FASTKD1: variants seen among roughly 807,000 people sequenced by gnomAD.
FASTKD1 encodes the protein FAST kinase domain-containing protein 1, mitochondrial.
A neutral mutation model predicts 90.9 loss-of-function variants in FASTKD1; 94 were observed. That is an observed-to-expected ratio of 1.03 (90% confidence interval 0.88 to 1.23). The LOEUF is 1.23. FASTKD1 is among the 50% of genes most tolerant of loss of function. The pLI, the probability that FASTKD1 is intolerant of heterozygous loss-of-function variation, is 0.00. For synonymous variants in FASTKD1, 319 were observed against 345.8 expected (o/e 0.92, Z 0.86); for missense variants, 945 against 993.5 (o/e 0.95, Z 0.66).
chr2:169,557,050 A>T, intron 6 of FASTKD1, 137 bp downstream of exon 6: 2 of 636,722 alleles, frequency 3.1e-6, no homozygotes, highest in Non-Finnish European at 5.6e-6. Context: ...AGTAGAACAT[A>T]AACAGTGGCT....
intron 12 of FASTKD1, among the ~76,000 whole-genome samples, chr2:169,533,659 T>C (rs1001972282): frequency 6.6e-6 from 1 of 152,190 alleles, no homozygotes; most frequent in Non-Finnish European, 1.5e-5. Flanking sequence ...AATTGCAGCA[T>C]TGTTTGACAG....
intron 5 of FASTKD1, among the ~76,000 whole-genome samples, chr2:169,558,606 C>T (rs1683436730): frequency 6.6e-6 from 1 of 152,006 alleles, no homozygotes; most frequent in African/African-American, 2.4e-5. Context: ...CCCACCACCA[C>T]GCCCGGCTAA....
rs1053416949 is a variant in FASTKD1 at position 169,571,942 on chromosome 2, G to A, written c.88C>T (p.Gln30Ter). Reference protein sequence around the residue: ...AICPFSWRVFQFRPISCEPLI... With the variant: ...AICPFSWRVF ...GGTTCACAACTGATGGGTCGAAATT[G>A]AAACACTCTCCAGGAGAATGGACAA... is the stretch of plus-strand genomic sequence containing the variant. Residue 30 changes from glutamine to a stop codon, truncating the protein, a stop_gained, in exon 2 of 15, where the codon CAA (glutamine) becomes TAA (stop). Coordinates refer to ENST00000453153, the MANE Select transcript of FASTKD1 (RefSeq NM_024622.6). LOFTEE classifies it high-confidence loss of function. 1 of 1,614,042 alleles carries A rather than the reference G, an allele frequency of 6.2e-7. No homozygotes were observed. The highest frequency in any genetic ancestry group is 1.3e-5 in the African/African-American group (1 of 75,042).
chr2:169,535,214 G>A (rs994266635), intron 12 of FASTKD1, among the ~76,000 whole-genome samples: 129 of 151,938 alleles, frequency 8.5e-4, no homozygotes, highest in Non-Finnish European at 2.4e-4. Flanking sequence ...ACAGAGTCTT[G>A]CTCTGTCACT....
At chr2:169,531,614 G>T in intron 12 of FASTKD1, 124 bp from the exon 13 acceptor site, 1 of 703,560 alleles carries the variant, frequency 1.4e-6, no homozygotes, top group Non-Finnish European at 2.2e-6. Context: ...AAAGAATGAC[G>T]AACCTCTCAG....
intron 5 of FASTKD1, chr2:169,560,145 T>C (rs1369349218): frequency 4.0e-6 from 1 of 251,322 alleles, no homozygotes; most frequent in East Asian, 7.3e-5. Context: ...TTTCCCCTCA[T>C]TTTTTTTCAT....
chr2:169,555,737 G>C (rs994347709), intron 6 of FASTKD1, among the ~76,000 whole-genome samples: 2 of 152,246 alleles, frequency 1.3e-5, no homozygotes, highest in Non-Finnish European at 1.5e-5. Flanking sequence ...ACATATAATA[G>C]GTCATGAAAA....
chr2:169,572,122 G>A lies in FASTKD1; in HGVS notation c.-93C>T, dbSNP rs1684263017. 3.4e-6 allele frequency: 5 copies of A among 1,449,626 alleles called. 1 individual carries two copies. In the South Asian group the frequency reaches 7.3e-5, roughly 21 times the overall value. The allele number at this position is 1,449,626 out of a possible 1,614,324, so 89.8% of individuals were successfully genotyped here. A position where few individuals can be genotyped will look rare whatever the true frequency, so the allele number is the denominator to read the frequency against. ...ATACAAATAACAGTTTTTCCTTCAT[G>A]TATTTTGCTTCCATTACAATGACTG... On this transcript the variant is annotated 5_prime_UTR_variant, in exon 2 of 15. Transcript: ENST00000453153.
intron 2 of FASTKD1, among the ~76,000 whole-genome samples, chr2:169,570,020 T>C (rs1684161184): frequency 6.6e-6 from 1 of 152,184 alleles, no homozygotes; most frequent in African/African-American, 2.4e-5. Flanking sequence ...AATCATCCTT[T>C]TTCAGTTTAA....
intron 4 of FASTKD1, among the ~76,000 whole-genome samples, chr2:169,561,989 TGTAA>T (rs1339000812): frequency 8.0e-6 from 1 of 124,760 alleles, no homozygotes; most frequent in Non-Finnish European, 1.6e-5. Context: ...ATTAATTTAT[TGTAA>T]ATTAATTATT....
intron 7 of FASTKD1, among the ~76,000 whole-genome samples, chr2:169,553,231 A>T: frequency 6.6e-6 from 1 of 150,690 alleles, no homozygotes; most frequent in East Asian, 2.0e-4. Context: ...AATAAAAATA[A>T]ATAAAAACAT....
rs561505014 is a variant in FASTKD1 at position 169,529,454 on chromosome 2, G to C, written c.*371C>G. ...TTGTCTGGATTATTGCAATGACCTC[G>C]TAAAGAGTTTTCTTTCTTACACATT... On this transcript the variant is annotated 3_prime_UTR_variant, in exon 15 of 15. Transcript: ENST00000453153. Among the ~76,000 whole-genome samples, 3 of 152,142 alleles carry C rather than the reference G, an allele frequency of 2.0e-5. No individual in the cohort carries two copies. Among genetic ancestry groups the C allele is most frequent in the Admixed American group, 2.0e-4 (3 of 15,274 alleles).
chr2:169,572,738 CAATT>C (rs1189414987), intron 1 of FASTKD1, among the ~76,000 whole-genome samples: 1 of 151,594 alleles, frequency 6.6e-6, no homozygotes, highest in African/African-American at 2.4e-5. Context: ...ATGAACGACA[CAATT>C]AAAGCACCAA....
chr2:169,529,550 C>T lies in FASTKD1; in HGVS notation c.*275G>A, dbSNP rs915581262. On this transcript the variant is annotated 3_prime_UTR_variant, in exon 15 of 15. Coordinates refer to ENST00000453153, the MANE Select transcript of FASTKD1 (RefSeq NM_024622.6). ...ACGCAGTTAAAATGTGAATTCATAT[C>T]ATTCCTTACTTGAAAAGCCCCCAAT... Among the ~76,000 whole-genome samples, 12 of 152,146 alleles carry T rather than the reference C, an allele frequency of 7.9e-5. No homozygotes were observed. Among genetic ancestry groups the T allele is most frequent in the African/African-American group, 2.4e-4 (10 of 41,428 alleles).
rs757597873 is a variant in FASTKD1 at position 169,537,350 on chromosome 2, AAAAT to A, written c.2075-14_2075-11del. The A allele has an allele frequency of 4.4e-5, 66 of 1,509,082 alleles. No individual in the cohort carries two copies. The South Asian group carries it at 7.4e-4, about 17-fold the overall frequency. The allele number at this position is 1,509,082 out of a possible 1,614,324, so 93.5% of individuals were successfully genotyped here. ...TCCATGCCACCAATACCTTTATAAA[AAAAT>A]AAATAATTAGTCTACTTAATCTTTT... On this transcript the variant is annotated splice_polypyrimidine_tract_variant and intron_variant, in intron 11 of 14. Coordinates refer to ENST00000453153, the MANE Select transcript of FASTKD1 (RefSeq NM_024622.6).
At position 169,570,115 on chromosome 2, in the gene FASTKD1, G is replaced by A. The variant is rs865966248; in HGVS notation, c.378-863C>T. ...AACAACTTACACGTCTCTAACTTACGTAATGCTGATATTTACAGCCATTTA... is the reference window on the plus strand; with the variant it reads ...AACAACTTACACGTCTCTAACTTACATAATGCTGATATTTACAGCCATTTA... On this transcript the variant is annotated intron_variant, in intron 2 of 14. Coordinates refer to ENST00000453153, the MANE Select transcript of FASTKD1 (RefSeq NM_024622.6). Among the ~76,000 whole-genome samples, 5 of 152,138 alleles carry A rather than the reference G, an allele frequency of 3.3e-5. No homozygotes were observed. The Middle Eastern group carries it at 0.014, about 414-fold the overall frequency.
chr2:169,539,698 A>G (rs908079606), intron 10 of FASTKD1, among the ~76,000 whole-genome samples: 1 of 151,944 alleles, frequency 6.6e-6, no homozygotes, highest in Non-Finnish European at 1.5e-5. Context: ...CTGGAGTCCA[A>G]GGCTTCAGTG....
intron 3 of FASTKD1, among the ~76,000 whole-genome samples, chr2:169,566,645 G>C (rs1684000243): frequency 6.6e-6 from 1 of 152,106 alleles, no homozygotes; most frequent in African/African-American, 2.4e-5. Flanking sequence ...CTGGAAGTCT[G>C]AGGCTGCAGT....
intron 12 of FASTKD1, among the ~76,000 whole-genome samples, chr2:169,534,061 C>T (rs1395298809): frequency 6.6e-6 from 1 of 151,768 alleles, no homozygotes; most frequent in African/African-American, 2.4e-5. Context: ...GACCCAGCTA[C>T]TCAGGAGGCT....
Sources: allele counts gnomAD v4.1 joint callset (sites outside exome capture counted in the v4.1 genomes callset), GRCh38; gene constraint gnomAD v4.1.1; transcripts MANE v1.5; gene names NCBI Gene and HGNC (gene_info 2026-07-23, HGNC 2026-07-21).